ARID2: variants seen among roughly 807,000 people sequenced by gnomAD.
ARID2 encodes the protein AT-rich interaction domain 2, also known as AT-rich interactive domain-containing protein 2.
In ARID2, 32 loss-of-function variants were observed where a neutral mutation model predicts 184.6. That is an observed-to-expected ratio of 0.17 (90% CI 0.13 to 0.23). ARID2 has a LOEUF of 0.23. ARID2 is among the 10% of genes least tolerant of loss of function. ARID2 has a pLI of 1.00. For missense variants in ARID2, 1,696 were observed against 2,197.6 expected, an observed-to-expected ratio of 0.77 and a Z score of 4.56; for synonymous variants, 836 against 772.6, an observed-to-expected ratio of 1.08 and a Z score of -1.36.
intron 16 of ARID2, among the ~76,000 whole-genome samples, chr12:45,889,129 C>T (rs542365657): frequency 6.6e-6 from 1 of 152,144 alleles, no homozygotes; most frequent in Non-Finnish European, 1.5e-5. Flanking sequence ...TTGCAGTGAG[C>T]CAAGATTGTG....
At chr12:45,770,759 A>G (rs529180553) in intron 3 of ARID2, among the ~76,000 whole-genome samples, 2 of 152,246 alleles carry the variant, frequency 1.3e-5, no homozygotes, top group Non-Finnish European at 2.9e-5. Context: ...AGAGGTGGGC[A>G]CAGCAGGGTA....
In ARID2 at chr12:45,837,626, T is replaced by G. The variant is rs1298547134; in HGVS notation, c.1249T>G (p.Ser417Ala). Residue 417 changes from serine (S) to alanine (A), a missense_variant, in exon 10 of 21, where the codon TCA becomes GCA. Around this residue, in one of 11 missense-constraint regions of ARID2, gnomAD observed 86 missense variants for 200.8 expected, o/e 0.43. Coordinates refer to ENST00000334344, the MANE Select transcript of ARID2 (RefSeq NM_152641.4). ...LTLPDVLLVI[S>A]TLEVLYMLTE... is the part of the protein sequence containing the mutation. ...TTTACCTGATGTGCTGCTTGTAATC[T>G]CAACACTCGAGGTGCTATACATGCT... The G allele has an allele frequency of 6.2e-7, 1 of 1,613,968 alleles. No individual in the cohort carries two copies. Among genetic ancestry groups the G allele is most frequent in the Non-Finnish European group, 8.5e-7 (1 of 1,180,004 alleles).
intron 16 of ARID2, among the ~76,000 whole-genome samples, chr12:45,876,058 C>A (rs533451111): frequency 6.6e-6 from 1 of 152,210 alleles, no homozygotes; most frequent in African/African-American, 2.4e-5. Context: ...TTTGCCATAC[C>A]TTTCTCACTA....
chr12:45,739,991 A>C (rs1193832891), intron 3 of ARID2, among the ~76,000 whole-genome samples: 3 of 152,236 alleles, frequency 2.0e-5, no homozygotes, highest in Non-Finnish European at 4.4e-5. Flanking sequence ...GCTTGAGCTC[A>C]GATCAGACCA....
intron 3 of ARID2, among the ~76,000 whole-genome samples, chr12:45,737,816 C>A (rs1392855087): frequency 6.6e-6 from 1 of 152,126 alleles, no homozygotes; most frequent in African/African-American, 2.4e-5. Flanking sequence ...CAGAACAAAA[C>A]CTCCAGGTGA....
rs2138160330 is a variant in ARID2, at chr12:45,850,261, T to C, written c.2138T>C (p.Val713Ala). 6.2e-7 allele frequency: 1 copy of C among 1,614,124 alleles called. No homozygotes were observed. Among genetic ancestry groups the C allele is most frequent in the Non-Finnish European group, 8.5e-7 (1 of 1,179,994 alleles). The change falls in exon 15 of 21, where the codon GTT becomes GCT. Residue 713 changes from valine (V) to alanine (A), a missense_variant. Transcript: ENST00000334344. ...IQSKAPIPCE[V>A]VKATVIQNSI... is the part of the protein sequence containing the mutation. ...AGTAAAGCTCCAATTCCTTGTGAAG[T>C]TGTTAAGGCTACAGTTATCCAGAAT... is the stretch of plus-strand genomic sequence containing the variant.
At chr12:45,754,261 T>G (rs1941521412) in intron 3 of ARID2, among the ~76,000 whole-genome samples, 1 of 152,248 alleles carries the variant, frequency 6.6e-6, no homozygotes, top group Non-Finnish European at 1.5e-5. Context: ...TCAGTGGCTC[T>G]CTATTGCTAA....
In ARID2 at chr12:45,803,082, TA is replaced by T. The variant is rs906819736; in HGVS notation, c.285-8327del. 2.7e-3 allele frequency among the ~76,000 whole-genome samples: 405 copies of T among 151,720 alleles called. 3 individuals are homozygous for T. The highest frequency in any genetic ancestry group is 7.9e-3 in the African/African-American group (328 of 41,418). ...ATGTTTTTCTGAAAGTCTTTTTTTC[TA>T]AAAAAAAATTATTTGCTTATGAGAA... On this transcript the variant is annotated intron_variant, in intron 3 of 20. Coordinates refer to ENST00000334344, the MANE Select transcript of ARID2 (RefSeq NM_152641.4).
chr12:45,881,104 A>C (rs1222778345), intron 16 of ARID2: 1 of 157,518 alleles, frequency 6.3e-6, no homozygotes, highest in African/African-American at 2.4e-5. Flanking sequence ...GCTGAGGGTC[A>C]TGTTGGGCCT....
chr12:45,839,524 G>T (rs1170456711), intron 11 of ARID2, 28 bp downstream of exon 11: 1 of 1,596,400 alleles, frequency 6.3e-7, no homozygotes. Flanking sequence ...TTCTTTTTCA[G>T]TGTGGTTACG....
Position 45,784,361 on chromosome 12 carries a change from A to G in ARID2, c.285-27057A>G, listed in dbSNP as rs142168742. 1.6e-3 allele frequency among the ~76,000 whole-genome samples: 241 copies of G among 152,294 alleles called. 1 individual carries two copies. The highest frequency in any genetic ancestry group is 5.5e-3 in the African/African-American group (229 of 41,550). ...AGTATCTACTATTTTAAAATATGAT[A>G]CCAGCAATTCCAATTAAAATTAATA... On this transcript the variant is annotated intron_variant, in intron 3 of 20. Transcript: ENST00000334344.
Position 45,904,760 on chromosome 12 carries a change from T to C in ARID2, c.5364-174T>C, listed in dbSNP as rs145265667. ...AACAGTAATAGTCAGCCTCAGTTTA[T>C]CCTTCTAGTTGTTTCCCAGATGCTT... On this transcript the variant is annotated intron_variant, in intron 20 of 20. Transcript: ENST00000334344. 8.0e-5 allele frequency among the ~76,000 whole-genome samples: 12 copies of C among 150,482 alleles called. No individual in the cohort carries two copies. The East Asian group carries it at 2.4e-3, about 30-fold the overall frequency.
At chr12:45,835,264 A>G (rs1943197840) in intron 6 of ARID2, among the ~76,000 whole-genome samples, 1 of 152,102 alleles carries the variant, frequency 6.6e-6, no homozygotes, top group African/African-American at 2.4e-5. Context: ...CTTTGAACTT[A>G]CTATTCATTG....
At chr12:45,734,371 AAAAAT>A (rs919093651) in intron 3 of ARID2, among the ~76,000 whole-genome samples, 11 of 152,288 alleles carry the variant, frequency 7.2e-5, no homozygotes, top group African/African-American at 2.4e-4. Flanking sequence ...TCTTTCTCAA[AAAAAT>A]AAAATAAAAT....
At chr12:45,789,852 T>C (rs1207085427) in intron 3 of ARID2, among the ~76,000 whole-genome samples, 1 of 152,158 alleles carries the variant, frequency 6.6e-6, no homozygotes, top group African/African-American at 2.4e-5. Context: ...TGTAGTGGCT[T>C]ATGTCTGTAA....
chr12:45,781,432 C>T (rs1376115637), intron 3 of ARID2, among the ~76,000 whole-genome samples: 1 of 31,384 alleles, frequency 3.2e-5, no homozygotes, highest in African/African-American at 1.2e-4. Flanking sequence ...TATAACTAAA[C>T]CCTTAAAATA....
At chr12:45,775,719 A>G (rs1347581570) in intron 3 of ARID2, among the ~76,000 whole-genome samples, 1 of 152,224 alleles carries the variant, frequency 6.6e-6, no homozygotes, top group Non-Finnish European at 1.5e-5. Flanking sequence ...GCTCTAAAAT[A>G]AAGGCATACT....
intron 3 of ARID2, among the ~76,000 whole-genome samples, chr12:45,801,863 T>G (rs942323474): frequency 2.6e-5 from 4 of 151,996 alleles, no homozygotes; most frequent in East Asian, 3.9e-4. Context: ...TATAAACAAT[T>G]GGTGTATCTG....
At chr12:45,843,701 T>TA (rs1943392920) in intron 11 of ARID2, among the ~76,000 whole-genome samples, 1 of 152,184 alleles carries the variant, frequency 6.6e-6, no homozygotes, top group Non-Finnish European at 1.5e-5. Context: ...TCAAGACCGT[T>TA]ACAATGTATT....
Sources: gnomAD v4.1 joint callset for allele counts (sites outside exome capture counted in the v4.1 genomes callset) on GRCh38, gnomAD v4.1.1 for gene constraint, gnomAD v4.1.1 regional missense constraint, MANE v1.5 for transcripts, NCBI Gene and HGNC (gene_info 2026-07-23, HGNC 2026-07-21) for gene names.